The following NLRP8 variants were observed in gnomAD, a reference collection of about 807,000 sequenced individuals.
NLRP8 encodes NLR family pyrin domain containing 8.
NLRP8 carries 86 observed loss-of-function variants against 88.7 expected under a neutral mutation model. The ratio of observed to expected loss-of-function variants is 0.97; its 90% confidence interval spans 0.81 to 1.16. NLRP8 has a LOEUF of 1.16. Among genes scored for constraint, NLRP8 ranks in the 50% most tolerant of loss-of-function variants. NLRP8 has a pLI of 0.00. For synonymous variants in NLRP8, 504 were observed against 494.6 expected (o/e 1.02, Z -0.25); for missense variants, 1,342 against 1,286.5 (o/e 1.04, Z -0.66).
chr19:55,955,173 A>G lies in NLRP8; in HGVS notation c.1115A>G (p.His372Arg), dbSNP rs867820043. Reference sequence around the variant, plus strand: ...AAGTATTTCCAGATGTATTTTGGACACACAGAGGAGGGAGACCAAGTCTTG... The same window carrying G: ...AAGTATTTCCAGATGTATTTTGGACGCACAGAGGAGGGAGACCAAGTCTTG... Residue 372 changes from histidine to arginine, a missense_variant, in exon 3 of 10, where the codon CAC becomes CGC. Transcript: ENST00000291971. 1.1e-5 allele frequency: 18 copies of G among 1,614,078 alleles called. No individual in the cohort carries two copies. The highest frequency in any genetic ancestry group is 3.3e-4 in the Middle Eastern group (2 of 6,062).
Position 55,955,739 on chromosome 19 carries a change from G to T in NLRP8, c.1681G>T (p.Gly561Cys). 2 of 1,614,026 alleles carry T rather than the reference G, an allele frequency of 1.2e-6. No individual in the cohort carries two copies. The highest frequency in any genetic ancestry group is 1.3e-5 in the African/African-American group (1 of 75,026). Reference sequence around the variant, plus strand: ...CTCTCACATGGGACTTTTCTTATTCGGTTTTCTGAACGAGGCCTGCGCTTC... The same window carrying T: ...CTCTCACATGGGACTTTTCTTATTCTGTTTTCTGAACGAGGCCTGCGCTTC... Residue 561 changes from glycine (G) to cysteine (C), a missense_variant, in exon 3 of 10, where the codon GGT (glycine) becomes TGT (cysteine). Coordinates refer to ENST00000291971, the MANE Select transcript of NLRP8 (RefSeq NM_176811.2).
At chr19:55,952,513 A>G (rs1044241802) in intron 1 of NLRP8, 25 bp from the exon 2 acceptor site, 3 of 1,601,226 alleles carry the variant, frequency 1.9e-6, no homozygotes, top group Non-Finnish European at 2.6e-6. Flanking sequence ...ATTCCCGTGG[A>G]ACAGCCTCCT....
At chr19:55,974,580 C>T (rs1457360894) in intron 7 of NLRP8, among the ~76,000 whole-genome samples, 1 of 151,748 alleles carries the variant, frequency 6.6e-6, no homozygotes, top group Non-Finnish European at 1.5e-5. Flanking sequence ...ACTAAAAATA[C>T]AAAAAATTAG....
At position 55,955,298 on chromosome 19, in the gene NLRP8, A is replaced by G; in HGVS notation, c.1240A>G (p.Asn414Asp). ...TCTGAAACAGCAAATGGAGAGAGGA[A>G]ACAATCTCACACAGTCATGTCCAAA... The change falls in exon 3 of 10, where the codon AAC (asparagine) becomes GAC (aspartate). Residue 414 changes from asparagine to aspartate, a missense_variant. Coordinates refer to ENST00000291971, the MANE Select transcript of NLRP8 (RefSeq NM_176811.2). The G allele has an allele frequency of 3.1e-6, 5 of 1,614,166 alleles. No homozygotes were observed. The highest frequency in any genetic ancestry group is 3.4e-6 in the Non-Finnish European group (4 of 1,180,026).
At chr19:55,962,465 A>G (rs1036997718) in intron 4 of NLRP8, among the ~76,000 whole-genome samples, 2 of 152,184 alleles carry the variant, frequency 1.3e-5, no homozygotes, top group Admixed American at 1.3e-4. Context: ...GCTTGGTGCA[A>G]ATGCCATTGC....
chr19:55,961,433 A>T (rs561943474), intron 3 of NLRP8, among the ~76,000 whole-genome samples: 6 of 152,304 alleles, frequency 3.9e-5, no homozygotes, highest in African/African-American at 1.4e-4. Flanking sequence ...TAAGAATTAT[A>T]TATACACAGG....
In NLRP8 at chr19:55,955,526, A is replaced by G. The variant is rs748223120; in HGVS notation, c.1468A>G (p.Met490Val). ...GACGGGAGTCACCGCCTTCCTTGGC[A>G]TGAGTATTCTTCGGAGAATTGCAGG... The change falls in exon 3 of 10, where the codon ATG (methionine) becomes GTG (valine). Residue 490 changes from methionine (M) to valine (V), a missense_variant. Met to Val is a conservative substitution (Grantham distance 21, BLOSUM62 1). Transcript: ENST00000291971. 1.2e-6 allele frequency: 2 copies of G among 1,614,208 alleles called. No homozygotes were observed. Among genetic ancestry groups the G allele is most frequent in the Non-Finnish European group, 8.5e-7 (1 of 1,180,026 alleles).
intron 5 of NLRP8, 87 bp from the exon 6 acceptor site, chr19:55,970,457 G>GAGA (rs1222264065): frequency 6.9e-7 from 1 of 1,444,076 alleles, no homozygotes. Context: ...TGTGAAGACT[G>GAGA]AGACATGAGA....
intron 6 of NLRP8, among the ~76,000 whole-genome samples, 191 bp from the exon 7 acceptor site, chr19:55,973,461 T>C (rs1980167350): frequency 6.6e-6 from 1 of 152,248 alleles, no homozygotes; most frequent in African/African-American, 2.4e-5. Context: ...TGATCCACAA[T>C]GCCTTCATCC....
intron 8 of NLRP8, among the ~76,000 whole-genome samples, chr19:55,976,705 T>G (rs192888222): frequency 6.6e-6 from 1 of 150,840 alleles, no homozygotes; most frequent in Non-Finnish European, 1.5e-5. Flanking sequence ...TACACATATA[T>G]GTATATAAAG....
At chr19:55,948,906 C>A (rs1180727810) in intron 1 of NLRP8, among the ~76,000 whole-genome samples, 1 of 152,134 alleles carries the variant, frequency 6.6e-6, no homozygotes, top group African/African-American at 2.4e-5. Flanking sequence ...ATATTTAAAG[C>A]AAGAAGGTTA....
chr19:55,962,392 G>A (rs543011161), intron 4 of NLRP8, among the ~76,000 whole-genome samples, 155 bp downstream of exon 4: 75 of 152,328 alleles, frequency 4.9e-4, no homozygotes, highest in Middle Eastern at 3.4e-3. Flanking sequence ...CATGGGGTGC[G>A]TGGTGAAGGA....
At chr19:55,977,667 C>G (rs948878557) in intron 8 of NLRP8, among the ~76,000 whole-genome samples, 5 of 150,938 alleles carry the variant, frequency 3.3e-5, no homozygotes, top group African/African-American at 9.7e-5. Context: ...GTTTTTAATT[C>G]TTTGGTTACC....
In NLRP8 at chr19:55,970,545, T is replaced by G; in HGVS notation, c.2383T>G (p.Leu795Val). 2 of 1,614,070 alleles carry G rather than the reference T, an allele frequency of 1.2e-6. No homozygotes were observed. The highest frequency in any genetic ancestry group is 1.7e-6 in the Non-Finnish European group (2 of 1,179,968). ...AGCATTTGTATCTGGCTTCTACAGGTTGGAAGACTGCTTGGCCACCCCTAG... is the reference window on the plus strand; with the variant it reads ...AGCATTTGTATCTGGCTTCTACAGGGTGGAAGACTGCTTGGCCACCCCTAG... The change falls in exon 6 of 10, where the codon TTG (leucine) becomes GTG (valine). Residue 795 changes from leucine to valine, a missense_variant and splice_region_variant. Coordinates refer to ENST00000291971, the MANE Select transcript of NLRP8 (RefSeq NM_176811.2).
chr19:55,974,426 T>C (rs1282664205), intron 7 of NLRP8, among the ~76,000 whole-genome samples: 3 of 152,058 alleles, frequency 2.0e-5, no homozygotes, highest in African/African-American at 7.2e-5. Context: ...GCTTTTAGCT[T>C]CCCTATCTTA....
chr19:55,984,455 G>A (rs1290786995), intron 9 of NLRP8, among the ~76,000 whole-genome samples: 1 of 150,862 alleles, frequency 6.6e-6, no homozygotes, highest in Non-Finnish European at 1.5e-5. Flanking sequence ...AGGAATTTGA[G>A]ACCGGCCTGG....
intron 3 of NLRP8, 64 bp downstream of exon 3, chr19:55,956,164 G>A (rs533399097): frequency 1.6e-5 from 23 of 1,475,172 alleles, no homozygotes; most frequent in East Asian, 6.8e-5. Context: ...ATGGTGTCCC[G>A]GGTGTTTAGG....
At chr19:55,973,524 G>A (rs1423953650) in intron 6 of NLRP8, 128 bp from the exon 7 acceptor site, 1 of 747,144 alleles carries the variant, frequency 1.3e-6, no homozygotes, top group African/African-American at 1.8e-5. Flanking sequence ...TGGAAGTCCT[G>A]AGTGGTGATG....
intron 4 of NLRP8, among the ~76,000 whole-genome samples, chr19:55,964,142 G>A (rs955653254): frequency 2.0e-5 from 3 of 152,160 alleles, no homozygotes; most frequent in African/African-American, 7.2e-5. Context: ...CTTGAAATAA[G>A]CCACCAGGCA....
Sources: gnomAD v4.1 joint callset for allele counts (sites outside exome capture counted in the v4.1 genomes callset) on GRCh38, gnomAD v4.1.1 for gene constraint, MANE v1.5 for transcripts, NCBI Gene and HGNC (gene_info 2026-07-23, HGNC 2026-07-21) for gene names.